KCNIP4: variants seen among roughly 807,000 people sequenced by gnomAD.
The protein encoded by KCNIP4 is Kv channel-interacting protein 4.
In KCNIP4, 12 loss-of-function variants were observed where a neutral mutation model predicts 34.0. The observed-to-expected ratio is 0.35, with a 90% CI of 0.23 to 0.57. The LOEUF (loss-of-function observed/expected upper bound fraction) is 0.57, where lower values mean the gene tolerates loss of function less well. Ranked by LOEUF, KCNIP4 falls within the 20% of genes least tolerant of loss-of-function variation. KCNIP4 has a pLI of 0.83. For missense variants in KCNIP4, 238 were observed against 311.7 expected (o/e 0.76, Z 1.78); for synonymous variants, 124 against 102.2 (o/e 1.21, Z -1.29).
intron 2 of KCNIP4, among the ~76,000 whole-genome samples, chr4:20,851,736 CA>C (rs1465129299): frequency 6.6e-6 from 1 of 152,130 alleles, no homozygotes; most frequent in Non-Finnish European, 1.5e-5. Flanking sequence ...TAGAAGATCA[CA>C]AATAGTCCAA....
At chr4:21,764,464 A>G (rs1255638261) in intron 1 of KCNIP4, among the ~76,000 whole-genome samples, 1 of 152,098 alleles carries the variant, frequency 6.6e-6, no homozygotes, top group South Asian at 2.1e-4. Flanking sequence ...ACACTGGGGC[A>G]TTTGTTTTCA....
At chr4:21,701,403 T>A (rs117174630) in intron 1 of KCNIP4, among the ~76,000 whole-genome samples, 1,573 of 152,292 alleles carry the variant, frequency 0.01, 80 homozygotes, top group Admixed American at 0.09. Context: ...AGAGTAGATT[T>A]TAACCATTCT....
intron 1 of KCNIP4, among the ~76,000 whole-genome samples, chr4:21,583,250 C>T (rs554986756): frequency 6.6e-6 from 1 of 152,068 alleles, no homozygotes; most frequent in South Asian, 2.1e-4. Context: ...ATTTTAGCAT[C>T]TGATAAATCT....
intron 1 of KCNIP4, among the ~76,000 whole-genome samples, chr4:21,399,332 C>A (rs1723271041): frequency 6.6e-6 from 1 of 152,230 alleles, no homozygotes; most frequent in African/African-American, 2.4e-5. Flanking sequence ...CTCTTCCCCA[C>A]TGAGACTGAC....
At chr4:21,283,229 T>G (rs1265236196) in intron 1 of KCNIP4, among the ~76,000 whole-genome samples, 3 of 152,170 alleles carry the variant, frequency 2.0e-5, no homozygotes, top group Non-Finnish European at 4.4e-5. Flanking sequence ...ATGAAAGAAC[T>G]GTCCTAAAAT....
intron 1 of KCNIP4, among the ~76,000 whole-genome samples, chr4:20,908,019 A>G (rs543960287): frequency 2.8e-4 from 42 of 151,804 alleles, no homozygotes; most frequent in African/African-American, 9.7e-4. Context: ...GTCCCTGTGT[A>G]CCAACTTGAG....
At chr4:21,590,705 C>A (rs979198385) in intron 1 of KCNIP4, among the ~76,000 whole-genome samples, 1 of 151,806 alleles carries the variant, frequency 6.6e-6, no homozygotes, top group Non-Finnish European at 1.5e-5. Context: ...ATATGTGATC[C>A]CAATGGGTCA....
intron 1 of KCNIP4, among the ~76,000 whole-genome samples, chr4:21,191,258 G>A (rs997126242): frequency 2.0e-5 from 3 of 152,182 alleles, no homozygotes; most frequent in South Asian, 2.1e-4. Flanking sequence ...TGATAGCAAA[G>A]GGAGAAGAAA....
intron 1 of KCNIP4, among the ~76,000 whole-genome samples, chr4:21,099,645 AAG>A (rs1180298294): frequency 6.6e-6 from 1 of 152,210 alleles, no homozygotes; most frequent in Non-Finnish European, 1.5e-5. Context: ...AGAAAAAAGA[AAG>A]AAATAAATTT....
At chr4:21,557,575 G>A (rs150748133) in intron 1 of KCNIP4, among the ~76,000 whole-genome samples, 82 of 152,196 alleles carry the variant, frequency 5.4e-4, no homozygotes, top group Admixed American at 4.4e-3. Flanking sequence ...AGAGCAATGC[G>A]TCATGGGGTT....
At chr4:20,878,603 T>C (rs1724323463) in intron 2 of KCNIP4, among the ~76,000 whole-genome samples, 1 of 152,226 alleles carries the variant, frequency 6.6e-6, no homozygotes, top group African/African-American at 2.4e-5. Context: ...TGTTCCACTC[T>C]TCACTAGAAA....
At chr4:21,267,783 T>A (rs1351402803) in intron 1 of KCNIP4, among the ~76,000 whole-genome samples, 1 of 148,426 alleles carries the variant, frequency 6.7e-6, no homozygotes, top group Admixed American at 6.7e-5. Flanking sequence ...GCATCAATGT[T>A]CATCAAGGAT....
At chr4:21,805,442 T>C (rs1027673433) in intron 1 of KCNIP4, among the ~76,000 whole-genome samples, 2 of 152,064 alleles carry the variant, frequency 1.3e-5, no homozygotes, top group Non-Finnish European at 2.9e-5. Context: ...TCTGCTTTCA[T>C]TCTCTCTTGC....
intron 1 of KCNIP4, among the ~76,000 whole-genome samples, chr4:21,549,278 T>C (rs1208705003): frequency 6.6e-6 from 1 of 151,916 alleles, no homozygotes; most frequent in African/African-American, 2.4e-5. Context: ...CCTGATACAA[T>C]TTGGATGCTT....
intron 2 of KCNIP4, among the ~76,000 whole-genome samples, chr4:20,866,980 G>A (rs775813557): frequency 7.2e-5 from 11 of 151,902 alleles, no homozygotes; most frequent in Non-Finnish European, 1.5e-4. Context: ...CAAGGAGAAC[G>A]ACAAAATACT....
intron 1 of KCNIP4, among the ~76,000 whole-genome samples, chr4:21,722,185 T>C (rs1714866305): frequency 6.6e-6 from 1 of 152,174 alleles, no homozygotes. Context: ...AATCTACTGC[T>C]AGTGCTAAAG....
chr4:20,998,138 G>A (rs1419122655), intron 1 of KCNIP4, among the ~76,000 whole-genome samples: 2 of 152,144 alleles, frequency 1.3e-5, no homozygotes, highest in Admixed American at 6.6e-5. Context: ...AAAGAGAAAA[G>A]AGCAAATAAT....
chr4:21,151,248 ACT>A (rs1577791631), intron 1 of KCNIP4, among the ~76,000 whole-genome samples: 1 of 152,022 alleles, frequency 6.6e-6, no homozygotes, highest in East Asian at 1.9e-4. Flanking sequence ...GTCCTAAGTA[ACT>A]CTACCTGTAT....
chr4:21,099,621 T>G (rs1383746964), intron 1 of KCNIP4, among the ~76,000 whole-genome samples: 2 of 151,846 alleles, frequency 1.3e-5, no homozygotes, highest in Non-Finnish European at 2.9e-5. Context: ...CTTAAAAAAG[T>G]TGAGGGGAAC....
Sources: gnomAD v4.1 joint callset for allele counts (sites outside exome capture counted in the v4.1 genomes callset) on GRCh38, gnomAD v4.1.1 for gene constraint, MANE v1.5 for transcripts, NCBI Gene and HGNC (gene_info 2026-07-23, HGNC 2026-07-21) for gene names.